Variants in WDFY1 observed in about 807,000 individuals in gnomAD.
The protein encoded by WDFY1 is WD repeat and FYVE domain containing 1, also known as WD repeat and FYVE domain-containing protein 1.
A neutral mutation model predicts 56.4 loss-of-function variants in WDFY1; 32 were observed. The observed-to-expected ratio is 0.57, with a 90% CI of 0.43 to 0.76. WDFY1 has a LOEUF of 0.76. Among genes scored for constraint, WDFY1 ranks in the 30% least tolerant of loss-of-function variants. WDFY1 has a pLI of 0.00. For missense variants in WDFY1, 480 were observed against 545.7 expected (o/e 0.88, Z 1.20); for synonymous variants, 192 against 197.3 (o/e 0.97, Z 0.23).
rs78591049 is a variant in WDFY1 at position 223,880,070 on chromosome 2, G to T, written c.1173+54C>A. The T allele has an allele frequency of 2.6e-3, 3,738 of 1,448,738 alleles. 70 individuals are homozygous for T. The African/African-American group carries it at 0.041, about 16-fold the overall frequency. The allele number at this position is 1,448,738 out of a possible 1,614,324, so 89.7% of individuals were successfully genotyped here. On this transcript the variant is annotated intron_variant, in intron 11 of 11. Transcript: ENST00000233055. ...AGTGACTGTCTCCTGCACATTCACA[G>T]CATGGTAATAGGCAATCTCAACTGA...
intron 1 of WDFY1, among the ~76,000 whole-genome samples, chr2:223,919,304 G>A (rs189147312): frequency 4.6e-5 from 7 of 152,280 alleles, no homozygotes; most frequent in East Asian, 1.9e-4. Flanking sequence ...GCCACCTCCC[G>A]GGTTCAAGGG....
At chr2:223,907,840 GGCT>G (rs1268649715) in intron 3 of WDFY1, among the ~76,000 whole-genome samples, 5 of 147,384 alleles carry the variant, frequency 3.4e-5, no homozygotes, top group East Asian at 2.0e-4. Context: ...CTTACATCAA[GGCT>G]GCTGCTGCTA....
chr2:223,908,149 C>G (rs1248984090), intron 3 of WDFY1, among the ~76,000 whole-genome samples: 1 of 152,190 alleles, frequency 6.6e-6, no homozygotes, highest in Non-Finnish European at 1.5e-5. Flanking sequence ...AGCCACCACA[C>G]CTGGTCCAAG....
intron 1 of WDFY1, among the ~76,000 whole-genome samples, chr2:223,927,255 T>C (rs990670258): frequency 1.3e-5 from 2 of 152,262 alleles, no homozygotes; most frequent in Non-Finnish European, 2.9e-5. Context: ...CTGACTTCTC[T>C]ACTAGCTATG....
chr2:223,931,667 G>A (rs1694075891), intron 1 of WDFY1, among the ~76,000 whole-genome samples: 1 of 147,650 alleles, frequency 6.8e-6, no homozygotes, highest in South Asian at 2.2e-4. Context: ...TCTTGCAGGA[G>A]TCATTAATAT....
At chr2:223,911,566 C>CCACACACACACACA (rs58131865) in intron 3 of WDFY1, among the ~76,000 whole-genome samples, 1 of 136,038 alleles carries the variant, frequency 7.4e-6, no homozygotes, top group Non-Finnish European at 1.6e-5. Flanking sequence ...AGCTGAATGA[C>CCACACACACACACA]CACACACACA....
chr2:223,881,501 G>A (rs1693070535), intron 10 of WDFY1, among the ~76,000 whole-genome samples: 2 of 152,048 alleles, frequency 1.3e-5, no homozygotes, highest in South Asian at 4.1e-4. Flanking sequence ...TTCAAAAATG[G>A]CTTAGGGGCC....
rs184879119 is a variant in WDFY1, at chr2:223,932,333, A to T, written c.137+12815T>A. The stretch of plus-strand genomic sequence containing the variant: ...GAGACAGGGTTTCACCGTGTTAGCC[A>T]GGATGGTCTCGATCTCCTGACATTG... On this transcript the variant is annotated intron_variant, in intron 1 of 11. Coordinates refer to ENST00000233055, the MANE Select transcript of WDFY1 (RefSeq NM_020830.5). 7.5e-3 allele frequency among the ~76,000 whole-genome samples: 1,135 copies of T among 150,882 alleles called. 10 individuals carry two copies. The highest frequency in any genetic ancestry group is 0.026 in the African/African-American group (1,078 of 41,050).
intron 2 of WDFY1, 74 bp from the exon 3 acceptor site, chr2:223,912,400 T>C: frequency 2.5e-6 from 2 of 800,692 alleles, no homozygotes; most frequent in Admixed American, 3.1e-5. Context: ...GATTAAGAAC[T>C]ATATGATAAG....
At chr2:223,934,777 T>C (rs1694141621) in intron 1 of WDFY1, among the ~76,000 whole-genome samples, 1 of 151,896 alleles carries the variant, frequency 6.6e-6, no homozygotes, top group South Asian at 2.1e-4. Flanking sequence ...TGCCTCGGCC[T>C]CCCAAAGTGC....
intron 2 of WDFY1, 44 bp from the exon 3 acceptor site, chr2:223,912,370 T>C: frequency 6.7e-7 from 1 of 1,495,590 alleles, no homozygotes; most frequent in Non-Finnish European, 8.9e-7. Context: ...AGCTAAGCAC[T>C]TTAAGTTGTT....
At chr2:223,880,794 C>A (rs1482887265) in intron 10 of WDFY1, among the ~76,000 whole-genome samples, 1 of 149,670 alleles carries the variant, frequency 6.7e-6, no homozygotes, top group Non-Finnish European at 1.5e-5. Flanking sequence ...AAGGCTGATA[C>A]ATTCCTAGAT....
chr2:223,921,213 G>T (rs1423430173), intron 1 of WDFY1, among the ~76,000 whole-genome samples: 1 of 152,112 alleles, frequency 6.6e-6, no homozygotes, highest in Non-Finnish European at 1.5e-5. Flanking sequence ...ACTAGTAGTT[G>T]GTCTTTATTT....
rs1233266385 is a variant in WDFY1 at position 223,945,186 on chromosome 2, G to T, written c.99C>A (p.Ile33=). ...CCGTGATCACGCCGTCCTCCTTGGG[G>T]ATGAGCAGCGCGGCCGTGACGGCGT... The part of the protein sequence containing the change: ...HQDAVTAALL[I]PKEDGVITAS... Residue 33 remains isoleucine (I), a synonymous_variant, in exon 1 of 12, where the codon ATC becomes ATA. Coordinates refer to ENST00000233055, the MANE Select transcript of WDFY1 (RefSeq NM_020830.5). 4 of 1,598,596 alleles carry T rather than the reference G, an allele frequency of 2.5e-6. No homozygotes were observed. The highest frequency in any genetic ancestry group is 3.4e-6 in the Non-Finnish European group (4 of 1,175,652).
Position 223,929,189 on chromosome 2 carries a change from G to T in WDFY1, c.138-11179C>A, listed in dbSNP as rs72972439. Among the ~76,000 whole-genome samples, 98 of 28,884 alleles carry T rather than the reference G, an allele frequency of 3.4e-3. 1 individual carries two copies. The highest frequency in any genetic ancestry group is 0.014 in the South Asian group (7 of 490). 18.9% of individuals were successfully genotyped at this position (28,884 alleles called of 152,430 possible). A position where few individuals can be genotyped will look rare whatever the true frequency, so the allele number is the denominator to read the frequency against. ...CTTTTTTTTTTTCTTTCTGTTTTTT[G>T]TTTTTTTTTTTTTTTGAGACAGAGT... On this transcript the variant is annotated intron_variant, in intron 1 of 11. Coordinates refer to ENST00000233055, the MANE Select transcript of WDFY1 (RefSeq NM_020830.5).
intron 2 of WDFY1, among the ~76,000 whole-genome samples, chr2:223,913,992 GCTT>G (rs1355700322): frequency 1.8e-5 from 1 of 55,242 alleles, no homozygotes; most frequent in Non-Finnish European, 4.0e-5. Flanking sequence ...AAATCAGTTA[GCTT>G]TTTTTTTTTT....
intron 8 of WDFY1, among the ~76,000 whole-genome samples, chr2:223,886,163 A>C (rs537769796): frequency 1.3e-5 from 2 of 150,918 alleles, no homozygotes; most frequent in African/African-American, 4.9e-5. Flanking sequence ...ACACGGTGAA[A>C]CCCCGTCTTT....
intron 1 of WDFY1, among the ~76,000 whole-genome samples, chr2:223,922,536 G>C (rs1693904682): frequency 6.6e-6 from 1 of 152,212 alleles, no homozygotes. Context: ...CACACTCACA[G>C]GCTTCATTCG....
rs146990470 is a variant in WDFY1, at chr2:223,907,731, C to T, written c.280-1730G>A. 6.4e-3 allele frequency among the ~76,000 whole-genome samples: 979 copies of T among 152,362 alleles called. 29 individuals carry two copies. The highest frequency in any genetic ancestry group is 0.057 in the Admixed American group (876 of 15,292). ...AAACGGAGAGCTTCAGCATTCACTACTGTGTCATGCATTTCCAGCACCCTC... is the reference window on the plus strand; with the variant it reads ...AAACGGAGAGCTTCAGCATTCACTATTGTGTCATGCATTTCCAGCACCCTC... On this transcript the variant is annotated intron_variant, in intron 3 of 11. Transcript: ENST00000233055.
Sources: allele counts gnomAD v4.1 joint callset (sites outside exome capture counted in the v4.1 genomes callset), GRCh38; gene constraint gnomAD v4.1.1; transcripts MANE v1.5; gene names NCBI Gene and HGNC (gene_info 2026-07-23, HGNC 2026-07-21).